PPP2R2A: variants seen among roughly 807,000 people sequenced by gnomAD.
PPP2R2A encodes serine/threonine-protein phosphatase 2A 55 kDa regulatory subunit B alpha isoform.
In PPP2R2A, 9 loss-of-function variants were observed where a neutral mutation model predicts 53.2. That is an observed-to-expected ratio of 0.17 (90% CI 0.10 to 0.30). The LOEUF is 0.30. PPP2R2A is among the 10% of genes least tolerant of loss of function. The pLI is 1.00. For synonymous variants in PPP2R2A, 169 were observed against 174.2 expected (o/e 0.97, Z 0.23); for missense variants, 235 against 534.6 (o/e 0.44, Z 5.53).
intron 9 of PPP2R2A, among the ~76,000 whole-genome samples, chr8:26,367,421 G>A (rs1008287134): frequency 2.6e-5 from 4 of 152,100 alleles, no homozygotes; most frequent in African/African-American, 9.7e-5. Context: ...GCAGTTTTAT[G>A]TTCTATTATC....
intron 9 of PPP2R2A, among the ~76,000 whole-genome samples, chr8:26,367,619 G>T (rs986735805): frequency 6.6e-6 from 1 of 152,186 alleles, no homozygotes; most frequent in Non-Finnish European, 1.5e-5. Context: ...ACATAGGTAC[G>T]TGCGCATGTG....
intron 8 of PPP2R2A, among the ~76,000 whole-genome samples, chr8:26,364,210 G>T (rs575535077): frequency 6.6e-6 from 1 of 152,270 alleles, no homozygotes; most frequent in East Asian, 1.9e-4. Context: ...GTCTGGGCAG[G>T]AAGAGGATTG....
chr8:26,347,431 T>TC (rs1228248246), intron 3 of PPP2R2A, among the ~76,000 whole-genome samples: 4 of 148,590 alleles, frequency 2.7e-5, no homozygotes, highest in Admixed American at 2.7e-4. Context: ...TTTTTTTTTT[T>TC]CCATTCCTTT....
Position 26,354,638 on chromosome 8 carries a change from GTA to G in PPP2R2A, c.346+8_346+9del, listed in dbSNP as rs1804679390. 1.9e-6 allele frequency: 3 copies of G among 1,586,898 alleles called. No homozygotes were observed. Among genetic ancestry groups the G allele is most frequent in the Non-Finnish European group, 2.6e-6 (3 of 1,164,946 alleles). ...AGTTTTTATTGTCTACCAATGGTAA[GTA>G]TACATATTTTCTTTCCATGTGCCCA... On this transcript the variant is annotated splice_donor_region_variant and intron_variant, in intron 4 of 9. Transcript: ENST00000380737. The surrounding 1 kb of genome is among the most constrained non-coding windows in gnomAD (Gnocchi z 4.6).
In PPP2R2A at chr8:26,362,422, T is replaced by C. The variant is rs565329590; in HGVS notation, c.638-262T>C. On this transcript the variant is annotated intron_variant, in intron 6 of 9. Transcript: ENST00000380737. The surrounding 1 kb of genome is among the most constrained non-coding windows in gnomAD (Gnocchi z 4.4). ...CTGGAGACTGATGCAGTAGAATCGC[T>C]TGAACCTGGGAGTCGGAGGCTGCAG... Among the ~76,000 whole-genome samples the C allele has an allele frequency of 2.6e-4, 40 of 152,068 alleles. No homozygotes were observed. Among genetic ancestry groups the C allele is most frequent in the Non-Finnish European group, 2.2e-4 (15 of 67,978 alleles).
At chr8:26,322,292 A>ATAAGGAACATAGCAT (rs1177972376) in intron 2 of PPP2R2A, among the ~76,000 whole-genome samples, 3 of 152,226 alleles carry the variant, frequency 2.0e-5, no homozygotes, top group African/African-American at 7.2e-5. Flanking sequence ...TAACAAAAAT[A>ATAAGGAACATAGCAT]TAAGGAACAT....
chr8:26,314,000 T>C (rs1176358630), intron 2 of PPP2R2A, among the ~76,000 whole-genome samples: 1 of 152,222 alleles, frequency 6.6e-6, no homozygotes, highest in Admixed American at 6.5e-5. Context: ...AAATTCTGAT[T>C]TTTTTCTATT....
At chr8:26,329,847 A>C (rs1375251199) in intron 2 of PPP2R2A, among the ~76,000 whole-genome samples, 3 of 152,182 alleles carry the variant, frequency 2.0e-5, no homozygotes, top group African/African-American at 7.2e-5. Flanking sequence ...TTTACAAAGA[A>C]TTCTTCACAG....
At chr8:26,340,660 T>A (rs1401951592) in intron 3 of PPP2R2A, among the ~76,000 whole-genome samples, 1 of 152,142 alleles carries the variant, frequency 6.6e-6, no homozygotes, top group Non-Finnish European at 1.5e-5. Context: ...TGAAGTCATT[T>A]TCATCTCCTG....
intron 3 of PPP2R2A, among the ~76,000 whole-genome samples, chr8:26,347,362 A>G (rs899662337): frequency 6.6e-6 from 1 of 151,562 alleles, no homozygotes; most frequent in African/African-American, 2.4e-5. Flanking sequence ...CATCTGAGCA[A>G]GGCACAGTTT....
At chr8:26,339,678 C>T (rs978969942) in intron 3 of PPP2R2A, among the ~76,000 whole-genome samples, 1 of 152,098 alleles carries the variant, frequency 6.6e-6, no homozygotes, top group Admixed American at 6.5e-5. Flanking sequence ...TATTCATTCT[C>T]TCCTTCCATT....
chr8:26,346,274 G>T (rs915015009), intron 3 of PPP2R2A, among the ~76,000 whole-genome samples: 22 of 152,084 alleles, frequency 1.4e-4, no homozygotes, highest in South Asian at 2.1e-4. Flanking sequence ...CCGAGTAGCT[G>T]GGATTACAGA....
chr8:26,300,253 C>T (rs1028416867), intron 2 of PPP2R2A, among the ~76,000 whole-genome samples: 8 of 152,040 alleles, frequency 5.3e-5, no homozygotes, highest in African/African-American at 1.9e-4. Context: ...ATATTAAAAT[C>T]AAGTTCTTGA....
intron 2 of PPP2R2A, among the ~76,000 whole-genome samples, chr8:26,299,472 A>G (rs1801686147): frequency 6.6e-6 from 1 of 152,222 alleles, no homozygotes. Flanking sequence ...CTTGGATCCA[A>G]GTACATTGTG....
chr8:26,363,403 GCAGT>G (rs1217468855), intron 7 of PPP2R2A: 2 of 204,160 alleles, frequency 9.8e-6, no homozygotes, highest in Admixed American at 1.1e-4. Context: ...GATGATACAG[GCAGT>G]CAGTGAGGCA....
At chr8:26,368,013 C>T (rs1805466561) in intron 9 of PPP2R2A, among the ~76,000 whole-genome samples, 1 of 152,180 alleles carries the variant, frequency 6.6e-6, no homozygotes, top group South Asian at 2.1e-4. Flanking sequence ...TGATTAGATT[C>T]AGGCTATACA....
intron 1 of PPP2R2A, chr8:26,292,551 G>A: frequency 1.5e-6 from 1 of 662,474 alleles, no homozygotes; most frequent in African/African-American, 2.0e-5. Flanking sequence ...AATAGTTGCG[G>A]AGTTCAGAGA....
chr8:26,351,774 T>C (rs1358745536), intron 3 of PPP2R2A, among the ~76,000 whole-genome samples: 1 of 152,232 alleles, frequency 6.6e-6, no homozygotes, highest in Non-Finnish European at 1.5e-5. Context: ...CATTGGCACA[T>C]TGGTGTATCC....
chr8:26,352,797 A>G (rs770602448), intron 3 of PPP2R2A, among the ~76,000 whole-genome samples: 1 of 152,082 alleles, frequency 6.6e-6, no homozygotes, highest in East Asian at 1.9e-4. Flanking sequence ...GCTTTTCTTA[A>G]CTCATCAAAT....
Sources: gnomAD v4.1 joint callset for allele counts (sites outside exome capture counted in the v4.1 genomes callset) on GRCh38, gnomAD v4.1.1 for gene constraint, Gnocchi (gnomAD v3.1) non-coding constraint, MANE v1.5 for transcripts, NCBI Gene and HGNC (gene_info 2026-07-23, HGNC 2026-07-21) for gene names.